Variants in HOXA10 observed in about 807,000 individuals in gnomAD.
HOXA10 encodes the protein homeobox A10, also known as homeobox protein Hox-A10.
Under a neutral mutation model 29.7 loss-of-function variants are expected in HOXA10, and 12 were observed. That is an observed-to-expected ratio of 0.40 (90% CI 0.26 to 0.65). The LOEUF (loss-of-function observed/expected upper bound fraction) is 0.65. Among genes scored for constraint, HOXA10 ranks in the 30% least tolerant of loss-of-function variants. HOXA10 has a pLI of 0.37. For synonymous variants in HOXA10, 327 were observed against 280.7 expected (o/e 1.16, Z -1.65); for missense variants, 656 against 585.9 (o/e 1.12, Z -1.24).
At chr7:27,177,576 C>T (rs1783676617), upstream of HOXA10, among the ~76,000 whole-genome samples, 1 of 152,186 alleles carries the variant, frequency 6.6e-6, no homozygotes, top group African/African-American at 2.4e-5. Flanking sequence ...GACCGACCCC[C>T]AAGGCTCCCA....
In HOXA10 at chr7:27,170,993, A is replaced by G; in HGVS notation, c.*906T>C. The stretch of plus-strand genomic sequence containing the variant: ...AAAAACTTTTTGTTCAAGGCGATTT[A>G]AAAAAACAACTTCACAAGATAGGGA... On this transcript the variant is annotated 3_prime_UTR_variant, in exon 2 of 2. Coordinates refer to ENST00000283921, the MANE Select transcript of HOXA10 (RefSeq NM_018951.4). 1 of 453,684 alleles carries G rather than the reference A, an allele frequency of 2.2e-6. No individual in the cohort carries two copies. Among genetic ancestry groups the G allele is most frequent in the Non-Finnish European group, 4.4e-6 (1 of 226,636 alleles). The allele number at this position is 453,684 out of a possible 1,614,324, so 28.1% of individuals were successfully genotyped here.
chr7:27,174,764 C>T (rs1484252240), upstream of HOXA10: 5 of 165,822 alleles, frequency 3.0e-5, no homozygotes, highest in Non-Finnish European at 5.2e-5. Context: ...GCGGCCGTGT[C>T]GGGGACTCAC....
chr7:27,178,798 A>C (rs1270540784), upstream of HOXA10, among the ~76,000 whole-genome samples: 1 of 152,250 alleles, frequency 6.6e-6, no homozygotes. Context: ...CTAATGGAAA[A>C]ATAGTAGAAA....
Position 27,173,401 on chromosome 7 carries a change from G to GAGCTCCTCCGCGGCCGAGGAC in HOXA10, c.885_905dup (p.Ser297_Ser303dup). ...TGCTGCTCTCGGAAGGGGCCGGGGAGAGCTCCTCCGCGGCCGAGGACGACG... is the reference window on the plus strand; with the variant it reads ...TGCTGCTCTCGGAAGGGGCCGGGGAGAGCTCCTCCGCGGCCGAGGACAGCTCCTCCGCGGCCGAGGACGACG... On this transcript the variant is annotated inframe_insertion, in exon 1 of 2. Transcript: ENST00000283921. The GAGCTCCTCCGCGGCCGAGGAC allele has an allele frequency of 1.2e-6, 2 of 1,611,014 alleles. No individual in the cohort carries two copies. The highest frequency in any genetic ancestry group is 1.7e-6 in the Non-Finnish European group (2 of 1,179,508).
chr7:27,174,664 T>C (rs149682852), upstream of HOXA10: 761 of 319,174 alleles, frequency 2.4e-3, 7 homozygotes, highest in African/African-American at 0.016. Flanking sequence ...ACAAGTGGGG[T>C]GTTTATGGTG....
rs764459132 is a variant in HOXA10 at position 27,173,497 on chromosome 7, G to C, written c.810C>G (p.Leu270=). The change falls in exon 1 of 2, where the codon CTC becomes CTG. Residue 270 remains leucine (L), a synonymous_variant. Coordinates refer to ENST00000283921, the MANE Select transcript of HOXA10 (RefSeq NM_018951.4). ...CCAGCGTGGGGGGCGGCGGCGAATC[G>C]AGGGCTCGCTCCTTCCGGGCCGCAT... ...SADAARKERA[L]DSPPPPTLAC... is the part of the protein sequence containing the mutation. 108 of 1,527,304 alleles carry C rather than the reference G, an allele frequency of 7.1e-5. No individual in the cohort carries two copies. Among genetic ancestry groups the C allele is most frequent in the Middle Eastern group, 2.2e-4 (1 of 4,566 alleles). 94.6% of individuals were successfully genotyped at this position (1,527,304 alleles called of 1,614,324 possible).
upstream of HOXA10, among the ~76,000 whole-genome samples, chr7:27,177,166 G>GA (rs547461590): frequency 5.9e-3 from 895 of 152,386 alleles, 2 homozygotes; most frequent in Non-Finnish European, 9.2e-3. Flanking sequence ...TGCCCCAGCC[G>GA]AAGAGTAGAG....
upstream of HOXA10, among the ~76,000 whole-genome samples, chr7:27,175,914 A>T (rs1170164112): frequency 6.6e-6 from 1 of 152,252 alleles, no homozygotes; most frequent in Non-Finnish European, 1.5e-5. Context: ...GAGGAGCCTG[A>T]GAGGACCCTG....
At chr7:27,179,333 C>A (rs1783710149) in intron 1 of HOXA10, among the ~76,000 whole-genome samples, 1 of 150,848 alleles carries the variant, frequency 6.6e-6, no homozygotes, top group South Asian at 2.1e-4. Context: ...TTTGCCCTCC[C>A]ACAACCCCCT....
chr7:27,177,368 C>T (rs539521383), upstream of HOXA10, among the ~76,000 whole-genome samples: 42 of 152,290 alleles, frequency 2.8e-4, no homozygotes, highest in Non-Finnish European at 5.3e-4. Flanking sequence ...ATGGCAGCCC[C>T]TCTCTGGCCC....
At chr7:27,178,642 G>A (rs899104658), upstream of HOXA10, among the ~76,000 whole-genome samples, 4 of 152,192 alleles carry the variant, frequency 2.6e-5, no homozygotes, top group East Asian at 1.9e-4. Flanking sequence ...GCTTTGCTCC[G>A]TCATAGTTTG....
Position 27,171,783 on chromosome 7 carries a change from G to T in HOXA10, c.*116C>A, listed in dbSNP as rs780858123. 11 of 1,026,458 alleles carry T rather than the reference G, an allele frequency of 1.1e-5. No individual in the cohort carries two copies. The Middle Eastern group carries it at 1.6e-3, about 153-fold the overall frequency. 63.6% of individuals were successfully genotyped at this position (1,026,458 alleles called of 1,614,324 possible). A position where few individuals can be genotyped will look rare whatever the true frequency, so the allele number is the denominator to read the frequency against. ...GATGTAACGGCCCAGGAGATGGCGA[G>T]TGTGGGAGGGAGGAACAGGGCTCCA... On this transcript the variant is annotated 3_prime_UTR_variant, in exon 2 of 2. Transcript: ENST00000283921.
chr7:27,177,655 G>A (rs368436952), upstream of HOXA10, among the ~76,000 whole-genome samples: 65 of 152,258 alleles, frequency 4.3e-4, 1 homozygote, highest in African/African-American at 1.5e-3. Context: ...GAGCGCCTCG[G>A]CTTTCCTGAG....
At chr7:27,172,436 A>G (rs1224060576) in intron 1 of HOXA10, 9 of 548,148 alleles carry the variant, frequency 1.6e-5, no homozygotes, top group African/African-American at 5.7e-5. Flanking sequence ...TAAGCCGTAG[A>G]TGCTTGCAGA....
rs1264175690 is a variant in HOXA10 at position 27,171,560 on chromosome 7, C to T, written c.*339G>A. On this transcript the variant is annotated 3_prime_UTR_variant, in exon 2 of 2. Coordinates refer to ENST00000283921, the MANE Select transcript of HOXA10 (RefSeq NM_018951.4). ...CCCCAGGCTGGGCAGGAAACCAGCT[C>T]GGCCGAAGACAGGGGCCATTTCGAG... The T allele has an allele frequency of 2.1e-6, 1 of 486,864 alleles. No homozygotes were observed. The highest frequency in any genetic ancestry group is 4.0e-6 in the Non-Finnish European group (1 of 248,584). The allele number at this position is 486,864 out of a possible 1,614,324, so 30.2% of individuals were successfully genotyped here.
rs1278438543 is a variant in HOXA10, at chr7:27,173,433, C to T, written c.874G>A (p.Ala292Thr). 51 of 1,593,562 alleles carry T rather than the reference C, an allele frequency of 3.2e-5. No homozygotes were observed. Among genetic ancestry groups the T allele is most frequent in the South Asian group, 5.6e-5 (5 of 89,132 alleles). Reference protein sequence around the residue: ...SGGGSQGDEEAHASSSAAEEL... With the variant: ...SGGGSQGDEETHASSSAAEEL... ...TCCGCGGCCGAGGACGACGCGTGCG[C>T]CTCCTCGTCGCCCTGCGAGCCCCCG... The change falls in exon 1 of 2, where the codon GCG becomes ACG. Residue 292 changes from alanine to threonine, a missense_variant. Coordinates refer to ENST00000283921, the MANE Select transcript of HOXA10 (RefSeq NM_018951.4).
chr7:27,171,917 G>T lies in HOXA10; in HGVS notation c.1215C>A (p.Ala405=), dbSNP rs61737564. ...AGATTCATCAGGAAAAATTAAAGTT[G>T]GCTGTGAGCTCCCGGATCCGGTTTT... The part of the protein sequence containing the change: ...NRENRIRELT[A]NFNFS Residue 405 remains alanine (A), a synonymous_variant, in exon 2 of 2, where the codon GCC becomes GCA. Transcript: ENST00000283921. 3.1e-6 allele frequency: 5 copies of T among 1,613,992 alleles called. No homozygotes were observed. Among genetic ancestry groups the T allele is most frequent in the Non-Finnish European group, 4.2e-6 (5 of 1,180,026 alleles).
chr7:27,172,387 T>G (rs1783521128), intron 1 of HOXA10: 1 of 602,630 alleles, frequency 1.7e-6, no homozygotes, highest in Admixed American at 3.0e-5. Flanking sequence ...CCCTTCCAAT[T>G]TACATTTCCC....
chr7:27,179,705 C>A lies in HOXA10; in HGVS notation c.-50G>T, dbSNP rs750611630. 1.8e-5 allele frequency: 14 copies of A among 772,380 alleles called. 1 individual carries two copies. The highest frequency in any genetic ancestry group is 1.5e-4 in the South Asian group (11 of 72,964). 47.8% of individuals were successfully genotyped at this position (772,380 alleles called of 1,614,324 possible). A position where few individuals can be genotyped will look rare whatever the true frequency, so the allele number is the denominator to read the frequency against. On this transcript the variant is annotated 5_prime_UTR_variant, in exon 1 of 2. Transcript: ENST00000396344. Reference sequence around the variant, plus strand: ...GCTGGCTTCTCCGCGCGGCGACGCTCGCGAGGCCTAGCGAATGCGCGTTGC... The same window carrying A: ...GCTGGCTTCTCCGCGCGGCGACGCTAGCGAGGCCTAGCGAATGCGCGTTGC...
Sources: allele counts gnomAD v4.1 joint callset (sites outside exome capture counted in the v4.1 genomes callset), GRCh38; gene constraint gnomAD v4.1.1; transcripts MANE v1.5; gene names NCBI Gene and HGNC (gene_info 2026-07-23, HGNC 2026-07-21).